Variants in PFKP observed in about 807,000 individuals in gnomAD.
PFKP encodes phosphofructokinase, platelet.
In PFKP, 101 loss-of-function variants were observed where a neutral mutation model predicts 94.3. That is an observed-to-expected ratio of 1.07 (90% CI 0.91 to 1.26). The LOEUF (loss-of-function observed/expected upper bound fraction) is 1.26. PFKP is among the 50% of genes most tolerant of loss of function. PFKP has a pLI of 0.00. For missense variants in PFKP, 1,145 were observed against 1,103.3 expected (o/e 1.04, Z -0.53); for synonymous variants, 573 against 432.6 (o/e 1.32, Z -4.03).
chr10:3,082,470 C>T lies in PFKP; in HGVS notation c.186+9C>T. 1 of 1,596,086 alleles carries T rather than the reference C, an allele frequency of 6.3e-7. No individual in the cohort carries two copies. Among genetic ancestry groups the T allele is most frequent in the Non-Finnish European group, 8.6e-7 (1 of 1,167,700 alleles). ...TGTACTTCATCTACGAGGTCAGTGT[C>T]TGCCCCTCACCCCCTGTCGCCCTTC... On this transcript the variant is annotated intron_variant, in intron 2 of 21. Coordinates refer to ENST00000381125, the MANE Select transcript of PFKP (RefSeq NM_002627.5).
intron 1 of PFKP, chr10:3,068,866 G>A: frequency 4.3e-6 from 1 of 232,714 alleles, no homozygotes; most frequent in East Asian, 1.8e-4. Context: ...CCGCAGATGC[G>A]TGGAAAGGCC....
rs982385267 is a variant in PFKP at position 3,129,996 on chromosome 10, G to A, written c.1848+13G>A. ...CAGGGATCTGCAGGTATGTGACGGG[G>A]CTGGCCTCAGGGCCCGTCCCCTTGG... On this transcript the variant is annotated intron_variant, in intron 17 of 21. Coordinates refer to ENST00000381125, the MANE Select transcript of PFKP (RefSeq NM_002627.5). 1.2e-5 allele frequency: 18 copies of A among 1,559,434 alleles called. No homozygotes were observed. Among genetic ancestry groups the A allele is most frequent in the Admixed American group, 5.3e-5 (3 of 56,326 alleles).
chr10:3,080,004 C>A (rs1371137408), intron 1 of PFKP, among the ~76,000 whole-genome samples: 1 of 152,072 alleles, frequency 6.6e-6, no homozygotes, highest in African/African-American at 2.4e-5. Flanking sequence ...GCAAGCCAGG[C>A]CCTTTTCCTG....
chr10:3,133,891 A>G (rs1024347325), intron 19 of PFKP, among the ~76,000 whole-genome samples: 43 of 152,352 alleles, frequency 2.8e-4, no homozygotes, highest in African/African-American at 1.0e-3. Context: ...ACACTTCATC[A>G]AGTTAAAAAC....
rs773683408 is a variant in PFKP at position 3,108,775 on chromosome 10, G to A, written c.945G>A (p.Ser315=). The stretch of plus-strand genomic sequence containing the variant: ...ACGTGCAGAGAGGAGGGACCCCTTC[G>A]GCATTCGACAGGATCTTGGTGAGTT... ...LGHVQRGGTP[S]AFDRILASRM... The change falls in exon 9 of 22, where the codon TCG becomes TCA. Residue 315 remains serine, a synonymous_variant. Coordinates refer to ENST00000381125, the MANE Select transcript of PFKP (RefSeq NM_002627.5). 1.2e-5 allele frequency: 20 copies of A among 1,612,666 alleles called. No homozygotes were observed. The Admixed American group carries it at 2.0e-4, about 16-fold the overall frequency.
intron 17 of PFKP, 101 bp from the exon 18 acceptor site, chr10:3,132,279 C>T (rs1254298788): frequency 3.7e-6 from 3 of 812,838 alleles, no homozygotes; most frequent in East Asian, 2.6e-5. Context: ...TGGCCACGCT[C>T]ACTGCCACAC....
chr10:3,135,880 G>A (rs912968426), intron 21 of PFKP, 42 bp downstream of exon 21: 3 of 1,204,616 alleles, frequency 2.5e-6, no homozygotes, highest in African/African-American at 1.5e-5. Flanking sequence ...ACCCCAATGT[G>A]AGTACGGGAC....
rs1478075156 is a variant in PFKP at position 3,067,551 on chromosome 10, G to T, written c.-45G>T. The T allele has an allele frequency of 1.3e-5, 14 of 1,076,660 alleles. No individual in the cohort carries two copies. Among genetic ancestry groups the T allele is most frequent in the Non-Finnish European group, 1.9e-5 (14 of 743,566 alleles). The allele number at this position is 1,076,660 out of a possible 1,614,324, so 66.7% of individuals were successfully genotyped here. On this transcript the variant is annotated 5_prime_UTR_variant, in exon 1 of 22. Transcript: ENST00000381125. ...GGCGCGCGCGGGCAGGGTCCCCATTGCCTGCTGCGCACCCGGACGTGCGGC... is the reference window on the plus strand; with the variant it reads ...GGCGCGCGCGGGCAGGGTCCCCATTTCCTGCTGCGCACCCGGACGTGCGGC...
intron 20 of PFKP, among the ~76,000 whole-genome samples, chr10:3,135,193 AC>A (rs1172310579): frequency 1.4e-5 from 2 of 145,446 alleles, no homozygotes; most frequent in Non-Finnish European, 3.0e-5. Flanking sequence ...TCTCACCCCC[AC>A]CCCCCTCAGC....
At chr10:3,076,888 G>GA in intron 1 of PFKP, among the ~76,000 whole-genome samples, 1 of 151,928 alleles carries the variant, frequency 6.6e-6, no homozygotes, top group East Asian at 1.9e-4. Context: ...ACTGGCAGGG[G>GA]TGGGGAGGGA....
At chr10:3,088,887 C>T (rs1257449180) in intron 2 of PFKP, among the ~76,000 whole-genome samples, 4 of 151,982 alleles carry the variant, frequency 2.6e-5, no homozygotes, top group Non-Finnish European at 4.4e-5. Context: ...TTAGCTCCCA[C>T]GTATGAGTGA....
chr10:3,100,880 AAATC>A, intron 3 of PFKP: 1 of 1,138,882 alleles, frequency 8.8e-7, no homozygotes, highest in Non-Finnish European at 1.3e-6. Context: ...AAAAAAAAAA[AAATC>A]CCCCTGGCCC....
At position 3,124,633 on chromosome 10, in the gene PFKP, A is replaced by G. The variant is rs114697964; in HGVS notation, c.1683+4589A>G. On this transcript the variant is annotated intron_variant, in intron 16 of 21. Coordinates refer to ENST00000381125, the MANE Select transcript of PFKP (RefSeq NM_002627.5). ...TGCACCTGGGCGCCGCCTCTGCACG[A>G]TGAAGGCGGGCATTTGGTGTGGTCC... Among the ~76,000 whole-genome samples, 449 of 152,282 alleles carry G rather than the reference A, an allele frequency of 2.9e-3. 4 individuals carry two copies. The highest frequency in any genetic ancestry group is 0.01 in the African/African-American group (426 of 41,570).
chr10:3,101,046 T>C (rs1834951992), intron 3 of PFKP: 4 of 1,479,214 alleles, frequency 2.7e-6, no homozygotes, highest in African/African-American at 1.4e-5. Context: ...GTTGAGCTCG[T>C]TGGCCGGTGC....
intron 2 of PFKP, among the ~76,000 whole-genome samples, chr10:3,084,493 G>C (rs1290395254): frequency 6.6e-6 from 1 of 152,162 alleles, no homozygotes; most frequent in African/African-American, 2.4e-5. Context: ...CGTGGTTATT[G>C]TTTGTATTTA....
chr10:3,079,241 C>CTT (rs71383139), intron 1 of PFKP, among the ~76,000 whole-genome samples: 92 of 150,558 alleles, frequency 6.1e-4, no homozygotes, highest in African/African-American at 2.0e-3. Flanking sequence ...TCATGTCCAG[C>CTT]TTTTTTTTTC....
At chr10:3,089,930 A>G (rs1157330220) in intron 2 of PFKP, among the ~76,000 whole-genome samples, 1 of 151,978 alleles carries the variant, frequency 6.6e-6, no homozygotes, top group African/African-American at 2.4e-5. Flanking sequence ...CACGAGATCA[A>G]TCCTAACTCT....
intron 16 of PFKP, among the ~76,000 whole-genome samples, chr10:3,128,500 AAT>A (rs574061653): frequency 0.015 from 1,340 of 89,960 alleles, 11 homozygotes; most frequent in Non-Finnish European, 0.029. Context: ...GCTGGAAAAT[AAT>A]ACTCTCTCCC....
At chr10:3,071,682 G>A (rs1014268239) in intron 1 of PFKP, among the ~76,000 whole-genome samples, 1 of 152,106 alleles carries the variant, frequency 6.6e-6, no homozygotes, top group South Asian at 2.1e-4. Flanking sequence ...TGAGTGTACT[G>A]GGAAGTCCAG....
Sources: allele counts gnomAD v4.1 joint callset (sites outside exome capture counted in the v4.1 genomes callset), GRCh38; gene constraint gnomAD v4.1.1; transcripts MANE v1.5; gene names NCBI Gene and HGNC (gene_info 2026-07-23, HGNC 2026-07-21).